NXPE2: variants seen among roughly 807,000 people sequenced by gnomAD.
NXPE2 encodes NXPE family member 2.
A neutral mutation model predicts 34.4 loss-of-function variants in NXPE2; 34 were observed. The ratio of observed to expected loss-of-function variants is 0.99; its 90% confidence interval spans 0.75 to 1.31. NXPE2 has a LOEUF of 1.31. Ranked by LOEUF, NXPE2 falls within the 40% of genes most tolerant of loss-of-function variation. The probability of loss-of-function intolerance (pLI) is 0.00; values close to 1 mark genes in which losing one functional copy is unlikely to be tolerated. For missense variants in NXPE2, 649 were observed against 672.5 expected, an observed-to-expected ratio of 0.97 and a Z score of 0.39; for synonymous variants, 235 against 231.3, an observed-to-expected ratio of 1.02 and a Z score of -0.15.
chr11:114,594,654 C>T, the NXPE2 span: 2 of 1,557,538 alleles, frequency 1.3e-6, no homozygotes, highest in Non-Finnish European at 8.8e-7. Context: ...ATAAATAAAG[C>T]ATTTCCTACC....
the NXPE2 span, chr11:114,530,405 A>G: frequency 6.2e-7 from 1 of 1,614,226 alleles, no homozygotes; most frequent in East Asian, 2.2e-5. Context: ...AAATAATTTT[A>G]TCATAGCCTT....
chr11:114,675,292 CT>C (rs1342110936), upstream of NXPE2, among the ~76,000 whole-genome samples: 10 of 151,736 alleles, frequency 6.6e-5, no homozygotes, highest in African/African-American at 2.4e-4. Flanking sequence ...CAACATAGTA[CT>C]GGAAGTCCTA....
the NXPE2 span, among the ~76,000 whole-genome samples, chr11:114,782,473 T>C: frequency 6.6e-6 from 1 of 152,226 alleles, no homozygotes; most frequent in East Asian, 1.9e-4. Context: ...GTAAATAAGT[T>C]GTTTAACAAC....
chr11:114,614,121 G>C, the NXPE2 span, among the ~76,000 whole-genome samples: 179 of 146,318 alleles, frequency 1.2e-3, no homozygotes, highest in Middle Eastern at 8.8e-3. Flanking sequence ...TGGGTAACCA[G>C]TGTTACCTGC....
intron 3 of NXPE2, among the ~76,000 whole-genome samples, chr11:114,703,691 TAGATAGATGATAGATAGATAG>T (rs1306196123): frequency 8.9e-4 from 16 of 18,032 alleles, no homozygotes; most frequent in Non-Finnish European, 1.3e-3. Context: ...GATAGATAGA[TAGATAGATGATAGATAGATAG>T]ATAGACAGAC....
chr11:114,800,170 CACAGCAGTACAGA>C, the NXPE2 span, among the ~76,000 whole-genome samples: 1 of 152,156 alleles, frequency 6.6e-6, no homozygotes, highest in Non-Finnish European at 1.5e-5. Flanking sequence ...CTTATTAGTT[CACAGCAGTACAGA>C]ACAAACAGCA....
the NXPE2 span, among the ~76,000 whole-genome samples, chr11:114,605,346 G>A: frequency 2.0e-5 from 3 of 151,918 alleles, no homozygotes; most frequent in African/African-American, 7.3e-5. Context: ...TTGCCTCGTG[G>A]GTGACCACTG....
chr11:114,768,280 T>C, the NXPE2 span, among the ~76,000 whole-genome samples: 1 of 152,222 alleles, frequency 6.6e-6, no homozygotes, highest in Admixed American at 6.5e-5. Context: ...ATATCTGTTT[T>C]GGTACCAGTA....
At chr11:114,498,982 C>T in the NXPE2 span, among the ~76,000 whole-genome samples, 1 of 151,998 alleles carries the variant, frequency 6.6e-6, no homozygotes, top group Non-Finnish European at 1.5e-5. Flanking sequence ...CTTGAAGCTT[C>T]AATAGGACTC....
At chr11:114,752,849 G>A in the NXPE2 span, among the ~76,000 whole-genome samples, 1 of 152,174 alleles carries the variant, frequency 6.6e-6, no homozygotes, top group Non-Finnish European at 1.5e-5. Context: ...AAAGAGGCAA[G>A]CTTGGAGGTA....
chr11:114,466,501 AT>A, the NXPE2 span, among the ~76,000 whole-genome samples: 1 of 149,378 alleles, frequency 6.7e-6, no homozygotes, highest in South Asian at 2.1e-4. Flanking sequence ...TGGCAATTGG[AT>A]TTTTTTTCTG....
chr11:114,622,738 A>G, the NXPE2 span, among the ~76,000 whole-genome samples: 1 of 150,958 alleles, frequency 6.6e-6, no homozygotes, highest in Non-Finnish European at 1.5e-5. Context: ...GTGTGTAACC[A>G]CTGTTACCCA....
chr11:114,472,285 C>T, the NXPE2 span, among the ~76,000 whole-genome samples: 1 of 152,142 alleles, frequency 6.6e-6, no homozygotes, highest in African/African-American at 2.4e-5. Flanking sequence ...TTTAATTGTC[C>T]TAAAGCAGGG....
the NXPE2 span, among the ~76,000 whole-genome samples, chr11:114,755,046 C>G: frequency 3.3e-5 from 5 of 152,120 alleles, no homozygotes; most frequent in Non-Finnish European, 7.4e-5. Flanking sequence ...ATTGATGTTT[C>G]AGTGAGGTGA....
At chr11:114,565,904 A>G in the NXPE2 span, among the ~76,000 whole-genome samples, 2 of 152,154 alleles carry the variant, frequency 1.3e-5, no homozygotes, top group Admixed American at 6.6e-5. Flanking sequence ...ATGGAGATAG[A>G]GAAGAGGAGA....
intron 4 of NXPE2, among the ~76,000 whole-genome samples, chr11:114,704,688 T>G (rs1185489745): frequency 2.0e-5 from 3 of 152,242 alleles, no homozygotes; most frequent in African/African-American, 7.2e-5. Flanking sequence ...AAGTGTTTAC[T>G]GAGGTCCTAC....
the NXPE2 span, among the ~76,000 whole-genome samples, chr11:114,811,397 A>C: frequency 3.3e-5 from 5 of 151,994 alleles, no homozygotes; most frequent in Non-Finnish European, 7.4e-5. Context: ...CCACACACAC[A>C]AAAAAAAGGT....
the NXPE2 span, among the ~76,000 whole-genome samples, chr11:114,586,619 G>A: frequency 5.0e-4 from 76 of 152,210 alleles, 1 homozygote; most frequent in African/African-American, 1.5e-3. Context: ...AGAGAGCCTT[G>A]CTGTCATGTG....
the NXPE2 span, among the ~76,000 whole-genome samples, chr11:114,747,768 T>C: frequency 0.02 from 3,068 of 152,152 alleles, 100 homozygotes; most frequent in African/African-American, 0.071. Context: ...GAGATGAGAG[T>C]TGGGTGAGGA....
Sources: allele counts gnomAD v4.1 joint callset (sites outside exome capture counted in the v4.1 genomes callset), GRCh38; gene constraint gnomAD v4.1.1; transcripts MANE v1.5; gene names NCBI Gene and HGNC (gene_info 2026-07-23, HGNC 2026-07-21).